Variants in ZNF582 observed in about 807,000 individuals in gnomAD.
ZNF582 encodes zinc finger protein 582.
A neutral mutation model predicts 12.3 loss-of-function variants in ZNF582; 14 were observed. The observed-to-expected ratio is 1.14, with a 90% confidence interval of 0.75 to 1.78. The LOEUF (loss-of-function observed/expected upper bound fraction) is 1.78. Ranked by LOEUF, ZNF582 falls within the 40% of genes most tolerant of loss-of-function variation. The pLI is 0.00. For synonymous variants in ZNF582, 210 were observed against 207.2 expected (o/e 1.01, Z -0.11); for missense variants, 567 against 616.5 (o/e 0.92, Z 0.85).
chr19:56,393,223 A>G (rs1187490095), exon 1 of ZNF582: 1 of 1,258,958 alleles, frequency 7.9e-7, no homozygotes, highest in African/African-American at 1.6e-5. Context: ...CACCCACCTA[A>G]GGGGTCCATG....
rs534338794 is a variant in ZNF582 at position 56,386,896 on chromosome 19, C to T, written c.233-1712G>A. Among the ~76,000 whole-genome samples, 123 of 152,354 alleles carry T rather than the reference C, an allele frequency of 8.1e-4. 1 individual carries two copies. Among genetic ancestry groups the T allele is most frequent in the African/African-American group, 2.3e-3 (95 of 41,592 alleles). On this transcript the variant is annotated intron_variant, in intron 4 of 4. Coordinates refer to ENST00000586929, the Ensembl canonical transcript of ZNF582. Reference sequence around the variant, plus strand: ...TTGATTCTGTCCTAATTTGCTGAATCATACATCATAGATTCAAGGTGATGT... The same window carrying T: ...TTGATTCTGTCCTAATTTGCTGAATTATACATCATAGATTCAAGGTGATGT...
chr19:56,389,983 C>G lies in ZNF582; in HGVS notation c.232+18G>C. 6.2e-7 allele frequency: 1 copy of G among 1,609,690 alleles called. No individual in the cohort carries two copies. The highest frequency in any genetic ancestry group is 1.1e-5 in the South Asian group (1 of 90,898). Reference sequence around the variant, plus strand: ...ATACCTGCAGTGGCTGCTCCCTTCCCAATGATACCTCACTCACCTGGACAC... The same window carrying G: ...ATACCTGCAGTGGCTGCTCCCTTCCGAATGATACCTCACTCACCTGGACAC... On this transcript the variant is annotated intron_variant, in intron 4 of 4. Transcript: ENST00000586929.
At chr19:56,392,159 C>A (rs992784683) in intron 1 of ZNF582, among the ~76,000 whole-genome samples, 4 of 152,226 alleles carry the variant, frequency 2.6e-5, no homozygotes, top group African/African-American at 9.6e-5. Flanking sequence ...TCCCTCAAGC[C>A]AGGGAGCATA....
In ZNF582 at chr19:56,383,823, T is replaced by C. The variant is rs370076182; in HGVS notation, c.*40A>G. Reference sequence around the variant, plus strand: ...TCACTGGCATTACATTCTTCAAGTCTTTCTCCAAGAGGGAGAAGTAAGTCA... The same window carrying C: ...TCACTGGCATTACATTCTTCAAGTCCTTCTCCAAGAGGGAGAAGTAAGTCA... On this transcript the variant is annotated 3_prime_UTR_variant, in exon 5 of 5. Transcript: ENST00000586929. 9.3e-6 allele frequency: 14 copies of C among 1,508,812 alleles called. No individual in the cohort carries two copies. The South Asian group carries it at 1.4e-4, about 15-fold the overall frequency. 93.5% of individuals were successfully genotyped at this position (1,508,812 alleles called of 1,614,324 possible). A position where few individuals can be genotyped will look rare whatever the true frequency, so the allele number is the denominator to read the frequency against.
At chr19:56,393,199 C>T in intron 1 of ZNF582, 21 bp downstream of exon 1, 3 of 1,264,942 alleles carry the variant, frequency 2.4e-6, no homozygotes, top group Non-Finnish European at 3.1e-6. Context: ...TTCAGGGGGT[C>T]GGAGACCCCT....
chr19:56,391,018 G>T (rs1055628932), intron 2 of ZNF582, among the ~76,000 whole-genome samples: 1 of 152,106 alleles, frequency 6.6e-6, no homozygotes, highest in African/African-American at 2.4e-5. Context: ...CATAACACAA[G>T]CATTTTTCTT....
exon 5 of ZNF582, chr19:56,384,836 G>A: frequency 6.2e-7 from 1 of 1,606,500 alleles, no homozygotes; most frequent in South Asian, 1.1e-5. Flanking sequence ...TTTCTCATTA[G>A]TATAAATTCC....
At chr19:56,383,541 T>C (rs1447277939) in exon 5 of ZNF582, 3 of 199,338 alleles carry the variant, frequency 1.5e-5, no homozygotes, top group African/African-American at 2.3e-5. Flanking sequence ...TTTATGGTAA[T>C]TGCATGATTT....
Position 56,390,369 on chromosome 19 carries a change from C to A in ZNF582, c.136+6G>T, listed in dbSNP as rs1349994940. On this transcript the variant is annotated splice_donor_region_variant and intron_variant, in intron 3 of 4. Transcript: ENST00000586929. Reference sequence around the variant, plus strand: ...ACCTCCAAACTAACAGACGAGATCACCTTACCCAGTGAGACCAGGTTGCTG... The same window carrying A: ...ACCTCCAAACTAACAGACGAGATCAACTTACCCAGTGAGACCAGGTTGCTG... 6.2e-7 allele frequency: 1 copy of A among 1,614,170 alleles called. No homozygotes were observed. The highest frequency in any genetic ancestry group is 1.7e-5 in the Admixed American group (1 of 60,022).
At chr19:56,385,184 A>G (rs1352266841) in exon 5 of ZNF582, 1 of 1,564,820 alleles carries the variant, frequency 6.4e-7, no homozygotes, top group Non-Finnish European at 8.6e-7. Context: ...GGACTCCAAT[A>G]CTAAGAATGA....
exon 5 of ZNF582, chr19:56,383,982 C>G (rs762742333): frequency 1.2e-6 from 2 of 1,613,980 alleles, no homozygotes; most frequent in Non-Finnish European, 1.7e-6. Flanking sequence ...ATTATATTCA[C>G]ATGTGTTTCT....
At chr19:56,386,333 G>GT (rs972415231) in intron 4 of ZNF582, 45 of 152,274 alleles carry the variant, frequency 3.0e-4, no homozygotes, top group African/African-American at 1.1e-3. Context: ...ACACCATGGT[G>GT]TTTTTTATAT....
chr19:56,390,421 C>A (rs1262953592), exon 3 of ZNF582: 1 of 1,614,170 alleles, frequency 6.2e-7, no homozygotes. Context: ...CGTCTCTGTA[C>A]AAATCCCTCT....
chr19:56,384,040 G>A (rs200536667), exon 5 of ZNF582: 1 of 1,612,816 alleles, frequency 6.2e-7, no homozygotes, highest in African/African-American at 1.3e-5. Flanking sequence ...CATGACTCAA[G>A]GTCTTCTCAC....
chr19:56,385,934 G>A (rs1568784679), intron 4 of ZNF582, among the ~76,000 whole-genome samples: 1 of 152,104 alleles, frequency 6.6e-6, no homozygotes, highest in Non-Finnish European at 1.5e-5. Context: ...TTTTAAAAAT[G>A]CATTTTATTG....
intron 1 of ZNF582, among the ~76,000 whole-genome samples, chr19:56,392,280 C>T (rs1438695221): frequency 6.6e-6 from 1 of 152,258 alleles, no homozygotes; most frequent in African/African-American, 2.4e-5. Flanking sequence ...CTACCTGGCT[C>T]TTTTCCCAAC....
Position 56,390,207 on chromosome 19 carries a change from G to C in ZNF582, c.137-111C>G, listed in dbSNP as rs117624882. 6.9e-4 allele frequency: 932 copies of C among 1,351,902 alleles called. 6 individuals are homozygous for C. In the East Asian group the frequency reaches 0.019, roughly 28 times the overall value. 83.7% of individuals were successfully genotyped at this position (1,351,902 alleles called of 1,614,324 possible). ...GCAGTTGCAGGAAGTGCCAGAGGAAGATGGGACAGTTGCCTGGGGGTAGGG... is the reference window on the plus strand; with the variant it reads ...GCAGTTGCAGGAAGTGCCAGAGGAACATGGGACAGTTGCCTGGGGGTAGGG... On this transcript the variant is annotated intron_variant, in intron 3 of 4. Coordinates refer to ENST00000586929, the Ensembl canonical transcript of ZNF582.
At chr19:56,383,969 T>C in exon 5 of ZNF582, 1 of 1,613,878 alleles carries the variant, frequency 6.2e-7, no homozygotes, top group Non-Finnish European at 8.5e-7. Context: ...CTTTTCTACA[T>C]TTATTATATT....
intron 3 of ZNF582, 70 bp downstream of exon 3, chr19:56,390,305 C>A: frequency 1.9e-6 from 3 of 1,603,840 alleles, no homozygotes; most frequent in Non-Finnish European, 2.6e-6. Flanking sequence ...GACTGAAAAG[C>A]ACCCAAAAAC....
Sources: allele counts gnomAD v4.1 joint callset (sites outside exome capture counted in the v4.1 genomes callset), GRCh38; gene constraint gnomAD v4.1.1; transcripts MANE v1.5; gene names NCBI Gene and HGNC (gene_info 2026-07-23, HGNC 2026-07-21).